AGMO: variants seen among roughly 807,000 people sequenced by gnomAD.
The protein encoded by AGMO is glyceryl-ether monooxygenase.
In AGMO, 75 loss-of-function variants were observed where a neutral mutation model predicts 60.2. That is an observed-to-expected ratio of 1.25 (90% CI 1.03 to 1.51). The LOEUF (loss-of-function observed/expected upper bound fraction) is 1.51, where lower values mean the gene tolerates loss of function less well. AGMO is among the 40% of genes most tolerant of loss of function. AGMO has a pLI of 0.00. For missense variants in AGMO, 763 were observed against 525.5 expected, an observed-to-expected ratio of 1.45 and a Z score of -4.42; for synonymous variants, 261 against 177.1, an observed-to-expected ratio of 1.47 and a Z score of -3.76.
intron 12 of AGMO, among the ~76,000 whole-genome samples, chr7:15,222,440 G>T (rs933362340): frequency 1.3e-5 from 2 of 152,058 alleles, no homozygotes; most frequent in Non-Finnish European, 2.9e-5. Context: ...TAGAGCGATT[G>T]AGATTTCGTG....
intron 4 of AGMO, among the ~76,000 whole-genome samples, chr7:15,429,161 C>G (rs1781158315): frequency 6.6e-6 from 1 of 152,066 alleles, no homozygotes; most frequent in Non-Finnish European, 1.5e-5. Context: ...TTCCTTTCCA[C>G]ATATATTGCT....
intron 3 of AGMO, among the ~76,000 whole-genome samples, chr7:15,436,600 A>G (rs1354954475): frequency 6.6e-6 from 1 of 152,220 alleles, no homozygotes; most frequent in Non-Finnish European, 1.5e-5. Context: ...GCATGAGTCT[A>G]GAAATTACTT....
chr7:15,517,754 C>T lies in AGMO; in HGVS notation c.409+27018G>A, dbSNP rs117326342. On this transcript the variant is annotated intron_variant, in intron 3 of 12. Coordinates refer to ENST00000342526, the MANE Select transcript of AGMO (RefSeq NM_001004320.2). ...ATTGGGCGGCAGTTTGGTCAGACAC[C>T]GAGCTAGCTGCAGGAATTTTCCTTT... Among the ~76,000 whole-genome samples the T allele has an allele frequency of 2.8e-3, 422 of 152,086 alleles. 1 individual carries two copies. Among genetic ancestry groups the T allele is most frequent in the Non-Finnish European group, 4.4e-3 (301 of 68,004 alleles).
intron 10 of AGMO, among the ~76,000 whole-genome samples, chr7:15,369,693 T>G (rs551899072): frequency 5.3e-5 from 8 of 152,302 alleles, no homozygotes; most frequent in African/African-American, 1.9e-4. Flanking sequence ...TGTTGGTGCA[T>G]TCTCTGTTGT....
At chr7:15,369,167 C>T (rs1246825745) in intron 10 of AGMO, among the ~76,000 whole-genome samples, 1 of 151,876 alleles carries the variant, frequency 6.6e-6, no homozygotes, top group Non-Finnish European at 1.5e-5. Flanking sequence ...ACAATTAATA[C>T]CCTATTCCAC....
At chr7:15,163,514 G>A in the AGMO span, among the ~76,000 whole-genome samples, 1 of 151,976 alleles carries the variant, frequency 6.6e-6, no homozygotes, top group Non-Finnish European at 1.5e-5. Context: ...AGTTTGTTGA[G>A]CATTTTTATC....
At chr7:15,176,204 T>C in the AGMO span, among the ~76,000 whole-genome samples, 1 of 151,986 alleles carries the variant, frequency 6.6e-6, no homozygotes, top group Non-Finnish European at 1.5e-5. Flanking sequence ...TACATTTCCT[T>C]TTATGTGATT....
intron 12 of AGMO, among the ~76,000 whole-genome samples, chr7:15,252,695 C>G (rs1401069719): frequency 6.6e-6 from 1 of 152,176 alleles, no homozygotes; most frequent in East Asian, 1.9e-4. Context: ...ATGGTGATAA[C>G]TGTCAGAAGC....
At chr7:15,123,040 C>A in the AGMO span, among the ~76,000 whole-genome samples, 1 of 152,194 alleles carries the variant, frequency 6.6e-6, no homozygotes, top group Non-Finnish European at 1.5e-5. Flanking sequence ...TCTTGAACAA[C>A]ACCAGCCTCC....
the AGMO span, among the ~76,000 whole-genome samples, chr7:15,189,623 C>T: frequency 6.6e-6 from 1 of 152,090 alleles, no homozygotes; most frequent in Non-Finnish European, 1.5e-5. Flanking sequence ...GCAACATTCA[C>T]AGCGCATCGC....
intron 5 of AGMO, among the ~76,000 whole-genome samples, chr7:15,395,675 TA>T (rs1784344183): frequency 6.6e-6 from 1 of 152,214 alleles, no homozygotes; most frequent in Non-Finnish European, 1.5e-5. Context: ...AATGGATATA[TA>T]AATTTATTGT....
chr7:15,409,300 C>A (rs902953103), intron 5 of AGMO, among the ~76,000 whole-genome samples: 9 of 151,956 alleles, frequency 5.9e-5, no homozygotes, highest in Non-Finnish European at 4.4e-5. Flanking sequence ...GATCTTTTAA[C>A]TCTACCATAT....
chr7:15,528,034 C>T (rs1784170563), intron 3 of AGMO, among the ~76,000 whole-genome samples: 1 of 152,138 alleles, frequency 6.6e-6, no homozygotes, highest in Non-Finnish European at 1.5e-5. Flanking sequence ...TTGATGCCTG[C>T]TAACAAAATA....
intron 3 of AGMO, among the ~76,000 whole-genome samples, chr7:15,531,949 C>T (rs10232626): frequency 0.79 from 119,890 of 151,848 alleles, 47,510 homozygotes; most frequent in East Asian, 0.97. Context: ...AATTACAAGC[C>T]TGAGCCACCA....
At position 15,316,262 on chromosome 7, in the gene AGMO, C is replaced by G. The variant is rs1780921266; in HGVS notation, c.1263+49252G>C. On this transcript the variant is annotated intron_variant, in intron 12 of 12. Coordinates refer to ENST00000342526, the MANE Select transcript of AGMO (RefSeq NM_001004320.2). ...ATCAGCTCCAAGAGTATGCATCAGT[C>G]CCCCATAACCAGCAGGTTCCTCTCC... 2.0e-5 allele frequency among the ~76,000 whole-genome samples: 3 copies of G among 152,144 alleles called. No homozygotes were observed. The South Asian group carries it at 6.2e-4, about 32-fold the overall frequency.
At position 15,340,437 on chromosome 7, in the gene AGMO, A is replaced by G. The variant is rs181170928; in HGVS notation, c.1263+25077T>C. Among the ~76,000 whole-genome samples, 8 of 152,246 alleles carry G rather than the reference A, an allele frequency of 5.3e-5. No homozygotes were observed. The East Asian group carries it at 1.5e-3, about 29-fold the overall frequency. ...GCCAGAGACAATCTTACTACATAACAAATTTTGGGCTTCATAAACTCCTGT... is the reference window on the plus strand; with the variant it reads ...GCCAGAGACAATCTTACTACATAACGAATTTTGGGCTTCATAAACTCCTGT... On this transcript the variant is annotated intron_variant, in intron 12 of 12. Coordinates refer to ENST00000342526, the MANE Select transcript of AGMO (RefSeq NM_001004320.2).
At chr7:15,255,367 A>T (rs944110057) in intron 12 of AGMO, among the ~76,000 whole-genome samples, 10 of 152,198 alleles carry the variant, frequency 6.6e-5, no homozygotes, top group Admixed American at 6.5e-5. Context: ...CAATAAAAAA[A>T]GTTTTTAAAG....
intron 12 of AGMO, among the ~76,000 whole-genome samples, chr7:15,351,056 T>C (rs1483998293): frequency 6.6e-6 from 1 of 152,152 alleles, no homozygotes; most frequent in African/African-American, 2.4e-5. Context: ...AGCTAATTTT[T>C]TCAGCCAAAG....
In AGMO at chr7:15,341,052, C is replaced by G. The variant is rs561435195; in HGVS notation, c.1263+24462G>C. 1.8e-4 allele frequency among the ~76,000 whole-genome samples: 28 copies of G among 152,184 alleles called. 1 individual carries two copies. Among genetic ancestry groups the G allele is most frequent in the African/African-American group, 6.5e-4 (27 of 41,518 alleles). Reference sequence around the variant, plus strand: ...GAATCCACCTCTAGCATCAGAGTAACCTGGATATGAGACATGGAGTCAAAG... The same window carrying G: ...GAATCCACCTCTAGCATCAGAGTAAGCTGGATATGAGACATGGAGTCAAAG... On this transcript the variant is annotated intron_variant, in intron 12 of 12. Transcript: ENST00000342526.
Sources: allele counts gnomAD v4.1 joint callset (sites outside exome capture counted in the v4.1 genomes callset), GRCh38; gene constraint gnomAD v4.1.1; transcripts MANE v1.5; gene names NCBI Gene and HGNC (gene_info 2026-07-23, HGNC 2026-07-21).